The following DOCK11 variants were observed in gnomAD, a reference collection of about 807,000 sequenced individuals.
DOCK11 encodes the protein dedicator of cytokinesis 11.
DOCK11 carries 70 observed loss-of-function variants against 169.1 expected under a neutral mutation model. That is an observed-to-expected ratio of 0.41 (90% confidence interval 0.34 to 0.51). DOCK11 has a LOEUF of 0.51. Among genes scored for constraint, DOCK11 ranks in the 20% least tolerant of loss-of-function variants. DOCK11 has a pLI of 0.10. For missense variants in DOCK11, 1,166 were observed against 1,538.8 expected, an observed-to-expected ratio of 0.76 and a Z score of 4.05; for synonymous variants, 529 against 541.3, an observed-to-expected ratio of 0.98 and a Z score of 0.32.
chrX:118,529,277 C>T (rs980104267), intron 1 of DOCK11, among the ~76,000 whole-genome samples: 5 of 112,060 alleles, frequency 4.5e-5, no homozygotes, highest in Admixed American at 9.4e-5. Context: ...CCACCACGCC[C>T]GACCACCCAT....
intron 52 of DOCK11, among the ~76,000 whole-genome samples, chrX:118,684,786 T>C (rs1313368148): frequency 9.0e-6 from 1 of 111,443 alleles, no homozygotes; most frequent in Non-Finnish European, 1.9e-5. Context: ...GTGTCATGAG[T>C]TAATATTTTT....
At chrX:118,501,416 G>A in intron 1 of DOCK11, among the ~76,000 whole-genome samples, 1 of 112,106 alleles carries the variant, frequency 8.9e-6, no homozygotes, top group African/African-American at 3.2e-5. Context: ...AACCCAGGAG[G>A]TGGAGGTTGC....
chrX:118,553,404 G>C (rs1434033086), intron 6 of DOCK11, among the ~76,000 whole-genome samples: 2 of 111,039 alleles, frequency 1.8e-5, no homozygotes, highest in Non-Finnish European at 3.8e-5. Flanking sequence ...CCAACTCCTG[G>C]GACACCCACC....
chrX:118,609,649 TG>T (rs1467054417), intron 27 of DOCK11, among the ~76,000 whole-genome samples: 2 of 112,215 alleles, frequency 1.8e-5, no homozygotes, highest in Non-Finnish European at 3.8e-5. Flanking sequence ...TCATTACCTT[TG>T]AAGCTTTGCC....
At chrX:118,598,512 G>A (rs2014239983) in intron 22 of DOCK11, among the ~76,000 whole-genome samples, 1 of 111,646 alleles carries the variant, frequency 9.0e-6, no homozygotes, top group Non-Finnish European at 1.9e-5. Context: ...GAATGTGGAA[G>A]CCATCATCTC....
intron 1 of DOCK11, among the ~76,000 whole-genome samples, chrX:118,520,349 C>T (rs748031512): frequency 1.8e-5 from 2 of 112,290 alleles, no homozygotes; most frequent in African/African-American, 6.5e-5. Flanking sequence ...CATAGGCTGT[C>T]CTGTTCTTTT....
chrX:118,676,158 G>T, intron 47 of DOCK11, 109 bp downstream of exon 47: 1 of 480,141 alleles, frequency 2.1e-6, no homozygotes, highest in East Asian at 4.0e-5. Flanking sequence ...TATTACAACA[G>T]CAGGGAGCCT....
chrX:118,552,095 C>T (rs1603055272), intron 6 of DOCK11, among the ~76,000 whole-genome samples: 1 of 107,676 alleles, frequency 9.3e-6, no homozygotes, highest in East Asian at 2.9e-4. Context: ...GGAGGAATCA[C>T]ATCGTGAGAG....
At chrX:118,650,581 A>G (rs1214392969) in intron 41 of DOCK11, among the ~76,000 whole-genome samples, 1 of 112,009 alleles carries the variant, frequency 8.9e-6, no homozygotes, top group African/African-American at 3.2e-5. Context: ...AAAGTCTGCT[A>G]TATAATTACT....
At chrX:118,526,285 C>A (rs1603031708) in intron 1 of DOCK11, among the ~76,000 whole-genome samples, 1 of 112,277 alleles carries the variant, frequency 8.9e-6, no homozygotes, top group Non-Finnish European at 1.9e-5. Flanking sequence ...CATATTGAAT[C>A]AAGTCCTCCT....
At chrX:118,685,059 C>T (rs1315066195) in intron 52 of DOCK11, among the ~76,000 whole-genome samples, 1 of 111,605 alleles carries the variant, frequency 9.0e-6, no homozygotes, top group Non-Finnish European at 1.9e-5. Flanking sequence ...TTAGATTACA[C>T]AAAATGGATC....
intron 31 of DOCK11, among the ~76,000 whole-genome samples, chrX:118,621,720 G>A (rs1006426492): frequency 9.0e-6 from 1 of 110,837 alleles, no homozygotes; most frequent in Non-Finnish European, 1.9e-5. Flanking sequence ...TGCAGCCTCC[G>A]CCTCCCGGGT....
intron 44 of DOCK11, among the ~76,000 whole-genome samples, chrX:118,657,595 C>T (rs1401385486): frequency 1.8e-5 from 2 of 111,607 alleles, no homozygotes; most frequent in Admixed American, 9.6e-5. Context: ...GGGTTTTCCC[C>T]ACTTAGCTTC....
At chrX:118,593,471 T>C in intron 20 of DOCK11, 134 bp downstream of exon 20, 1 of 593,959 alleles carries the variant, frequency 1.7e-6, no homozygotes, top group Non-Finnish European at 2.4e-6. Context: ...ATTTTCATGC[T>C]GCTGATAAAG....
intron 36 of DOCK11, among the ~76,000 whole-genome samples, chrX:118,636,828 T>TACAC (rs765702693): frequency 0.029 from 2,922 of 100,508 alleles, 69 homozygotes; most frequent in African/African-American, 0.063. Context: ...TATTTGTGTG[T>TACAC]ACACACACAC....
At chrX:118,667,846 T>G (rs1353996274) in intron 45 of DOCK11, among the ~76,000 whole-genome samples, 1 of 111,803 alleles carries the variant, frequency 8.9e-6, no homozygotes, top group Non-Finnish European at 1.9e-5. Flanking sequence ...GTAGAAGTCT[T>G]GGGTTAGATT....
intron 24 of DOCK11, 69 bp from the exon 25 acceptor site, chrX:118,608,003 G>A (rs775144687): frequency 1.6e-5 from 15 of 947,955 alleles, no homozygotes; most frequent in Middle Eastern, 6.9e-4. Context: ...TAGACATGAC[G>A]ATCTTAAGAA....
chrX:118,571,063 C>A (rs895457963), intron 10 of DOCK11, among the ~76,000 whole-genome samples: 1 of 111,710 alleles, frequency 9.0e-6, no homozygotes, highest in Non-Finnish European at 1.9e-5. Context: ...GTTTCCTAAG[C>A]GGATGCCTCT....
At chrX:118,664,435 C>T (rs745806887) in intron 45 of DOCK11, among the ~76,000 whole-genome samples, 4 of 111,002 alleles carry the variant, frequency 3.6e-5, no homozygotes, top group Non-Finnish European at 5.7e-5. Context: ...GCAGGTGGAT[C>T]ACCTGAGGTC....
Sources: gnomAD v4.1 joint callset for allele counts (sites outside exome capture counted in the v4.1 genomes callset) on GRCh38, gnomAD v4.1.1 for gene constraint, MANE v1.5 for transcripts, NCBI Gene and HGNC (gene_info 2026-07-23, HGNC 2026-07-21) for gene names.